Variants in VTCN1 observed in about 807,000 individuals in gnomAD.
VTCN1 encodes V-set domain containing T cell activation inhibitor 1.
A neutral mutation model predicts 26.5 loss-of-function variants in VTCN1; 26 were observed. That is an observed-to-expected ratio of 0.98 (90% confidence interval 0.72 to 1.36). VTCN1 has a LOEUF of 1.36. Ranked by LOEUF, VTCN1 falls within the 40% of genes most tolerant of loss-of-function variation. The probability of loss-of-function intolerance (pLI) is 0.00; values close to 1 mark genes in which losing one functional copy is unlikely to be tolerated. For synonymous variants in VTCN1, 116 were observed against 130.7 expected (o/e 0.89, Z 0.77); for missense variants, 298 against 337.7 (o/e 0.88, Z 0.92).
At position 117,147,890 on chromosome 1, in the gene VTCN1, TA is replaced by T; in HGVS notation, c.725-109del. Reference sequence around the variant, plus strand: ...CCTGAAAAACAGAACAAGTTGTTCCTAATTCAGGCAATTTTTTACCCCTTTG... The same window carrying T: ...CCTGAAAAACAGAACAAGTTGTTCCTATTCAGGCAATTTTTTACCCCTTTG... On this transcript the variant is annotated intron_variant, in intron 4 of 5. Transcript: ENST00000369458. This position sits in a 1 kb window ranked among gnomAD's most constrained non-coding sequence, Gnocchi z 4.6. 3 of 1,450,404 alleles carry T rather than the reference TA, an allele frequency of 2.1e-6. No individual in the cohort carries two copies. Among genetic ancestry groups the T allele is most frequent in the Non-Finnish European group, 2.8e-6 (3 of 1,087,994 alleles). The allele number at this position is 1,450,404 out of a possible 1,614,324, so 89.8% of individuals were successfully genotyped here. A position where few individuals can be genotyped will look rare whatever the true frequency, so the allele number is the denominator to read the frequency against.
chr1:117,207,944 T>C (rs1343365182), intron 1 of VTCN1, among the ~76,000 whole-genome samples: 1 of 152,316 alleles, frequency 6.6e-6, no homozygotes. Context: ...CCACAACTGT[T>C]TCCCAACTCT....
rs1651496781 is a variant in VTCN1 at position 117,146,267 on chromosome 1, T to C, written c.*46-1042A>G. Among the ~76,000 whole-genome samples the C allele has an allele frequency of 2.6e-5, 4 of 152,334 alleles. No homozygotes were observed. In the South Asian group the frequency reaches 8.3e-4, roughly 32 times the overall value. ...GTGAGATTCCCAAGGGACAGTTTCC[T>C]TAGGGAAATCTCTGCTGACAACTGT... On this transcript the variant is annotated intron_variant, in intron 5 of 5. Transcript: ENST00000369458. The surrounding 1 kb of genome is among the most constrained non-coding windows in gnomAD (Gnocchi z 4.2).
In VTCN1 at chr1:117,146,881, C is replaced by T. The variant is rs1250625888; in HGVS notation, c.*45+732G>A. 6.6e-6 allele frequency among the ~76,000 whole-genome samples: 1 copy of T among 152,076 alleles called. No homozygotes were observed. The highest frequency in any genetic ancestry group is 1.9e-4 in the East Asian group (1 of 5,188). ...AAGGAGCAGGTACAGTGTTTCAAAACCAGTCGGGGTGTGAGATGATGAAGG... is the reference window on the plus strand; with the variant it reads ...AAGGAGCAGGTACAGTGTTTCAAAATCAGTCGGGGTGTGAGATGATGAAGG... On this transcript the variant is annotated intron_variant, in intron 5 of 5. Transcript: ENST00000369458. The surrounding 1 kb of genome is among the most constrained non-coding windows in gnomAD (Gnocchi z 4.2).
Position 117,153,261 on chromosome 1 carries a change from A to G in VTCN1, c.554T>C (p.Val185Ala). ...TTCCGAGAAGTTGGCTCCCTGGTCA[A>G]CTTGGGATGCCCAGACCACTGTGGG... The part of the protein sequence containing the change: ...PQPTVVWASQ[V>A]DQGANFSEVS... The change falls in exon 4 of 6, where the codon GTT becomes GCT. Residue 185 changes from valine to alanine, a missense_variant. By Grantham distance (64) the Val-to-Ala change is moderately conservative (BLOSUM62 0). Transcript: ENST00000369458. 6.2e-7 allele frequency: 1 copy of G among 1,614,134 alleles called. No homozygotes were observed. Among genetic ancestry groups the G allele is most frequent in the Non-Finnish European group, 8.5e-7 (1 of 1,180,012 alleles).
At chr1:117,191,708 G>A (rs1345669237) in intron 1 of VTCN1, among the ~76,000 whole-genome samples, 1 of 152,170 alleles carries the variant, frequency 6.6e-6, no homozygotes, top group African/African-American at 2.4e-5. Flanking sequence ...CTTGAACCCA[G>A]GTGGCAGAAG....
chr1:117,210,759 C>A, intron 1 of VTCN1, 65 bp downstream of exon 1: 2 of 1,563,068 alleles, frequency 1.3e-6, no homozygotes, highest in South Asian at 1.1e-5. Flanking sequence ...CAGTGCTCAG[C>A]ATCCCCAAAA....
At chr1:117,208,008 C>G (rs543486990) in intron 1 of VTCN1, among the ~76,000 whole-genome samples, 1 of 152,264 alleles carries the variant, frequency 6.6e-6, no homozygotes, top group East Asian at 1.9e-4. Flanking sequence ...CCTTGACCCC[C>G]CTCTGAAGGC....
At chr1:117,176,285 G>A (rs747423482) in intron 1 of VTCN1, among the ~76,000 whole-genome samples, 1 of 152,200 alleles carries the variant, frequency 6.6e-6, no homozygotes, top group African/African-American at 2.4e-5. Flanking sequence ...CAGCTGGAAG[G>A]TGGGAATGTC....
intron 1 of VTCN1, among the ~76,000 whole-genome samples, chr1:117,201,845 A>C (rs998514339): frequency 6.6e-6 from 1 of 152,222 alleles, no homozygotes; most frequent in Admixed American, 6.5e-5. Flanking sequence ...AGAATCATTA[A>C]TATTTGGTCT....
intron 1 of VTCN1, among the ~76,000 whole-genome samples, chr1:117,194,406 T>G (rs1043991384): frequency 2.6e-5 from 4 of 152,140 alleles, no homozygotes; most frequent in Non-Finnish European, 5.9e-5. Flanking sequence ...AAGGAACATT[T>G]GTATACTATT....
chr1:117,177,536 T>C (rs1312506464), intron 1 of VTCN1, among the ~76,000 whole-genome samples: 1 of 152,192 alleles, frequency 6.6e-6, no homozygotes, highest in Non-Finnish European at 1.5e-5. Context: ...CAGGACATCC[T>C]TTCTGGGCAG....
At chr1:117,163,034 G>A (rs536744694) in intron 2 of VTCN1, among the ~76,000 whole-genome samples, 91 of 152,312 alleles carry the variant, frequency 6.0e-4, no homozygotes, top group African/African-American at 2.2e-3. Context: ...CTGTCCAGAT[G>A]GGCACCACAG....
At chr1:117,190,223 C>T (rs1420830390) in intron 1 of VTCN1, among the ~76,000 whole-genome samples, 1 of 152,222 alleles carries the variant, frequency 6.6e-6, no homozygotes, top group Non-Finnish European at 1.5e-5. Context: ...CCCACGAAGA[C>T]AGACTTGCCA....
At chr1:117,148,056 A>G (rs1409641773) in intron 4 of VTCN1, among the ~76,000 whole-genome samples, 1 of 152,212 alleles carries the variant, frequency 6.6e-6, no homozygotes, top group Non-Finnish European at 1.5e-5. Flanking sequence ...CCAAATAAAG[A>G]ATAGGCTAAA....
In VTCN1 at chr1:117,169,968, C is replaced by G; in HGVS notation, c.97+139G>C. 6.8e-6 allele frequency: 5 copies of G among 733,766 alleles called. No homozygotes were observed. The highest frequency in any genetic ancestry group is 1.2e-5 in the Non-Finnish European group (5 of 423,952). 45.5% of individuals were successfully genotyped at this position (733,766 alleles called of 1,614,324 possible). ...TTAACTGACTAATGTAGAGAAAGCA[C>G]AAGAAGTAGAAGAATGAATGCTATA... On this transcript the variant is annotated intron_variant, in intron 2 of 5. Coordinates refer to ENST00000369458, the MANE Select transcript of VTCN1 (RefSeq NM_024626.4). The surrounding 1 kb of genome is among the most constrained non-coding windows in gnomAD (Gnocchi z 4.0).
chr1:117,150,738 C>T (rs747208123), intron 4 of VTCN1, among the ~76,000 whole-genome samples: 34 of 152,186 alleles, frequency 2.2e-4, no homozygotes, highest in Admixed American at 8.5e-4. Flanking sequence ...TTTTGCAAAT[C>T]TGAAACTCTA....
In VTCN1 at chr1:117,153,151, T is replaced by C. The variant is rs768183667; in HGVS notation, c.664A>G (p.Thr222Ala). 8.1e-6 allele frequency: 13 copies of C among 1,613,952 alleles called. No individual in the cohort carries two copies. The East Asian group carries it at 2.9e-4, about 36-fold the overall frequency. ...SVLYNVTINN[T>A]YSCMIENDIA... ...TCATTTTCAATCATACAGGAGTATG[T>C]GTTGTTGATCGTAACATTGTAGAGC... The change falls in exon 4 of 6, where the codon ACA (threonine) becomes GCA (alanine). Residue 222 changes from threonine (T) to alanine (A), a missense_variant. Transcript: ENST00000369458.
At chr1:117,201,479 C>A (rs1648783938) in intron 1 of VTCN1, among the ~76,000 whole-genome samples, 1 of 152,180 alleles carries the variant, frequency 6.6e-6, no homozygotes, top group South Asian at 2.1e-4. Context: ...TCCTGATCTC[C>A]CCCTTTCCCT....
At chr1:117,198,607 C>T (rs1335919431) in intron 1 of VTCN1, among the ~76,000 whole-genome samples, 1 of 152,192 alleles carries the variant, frequency 6.6e-6, no homozygotes, top group Non-Finnish European at 1.5e-5. Flanking sequence ...CCCAGGGCTG[C>T]ATCGCCTCCT....
Sources: gnomAD v4.1 joint callset for allele counts (sites outside exome capture counted in the v4.1 genomes callset) on GRCh38, gnomAD v4.1.1 for gene constraint, Gnocchi (gnomAD v3.1) non-coding constraint, MANE v1.5 for transcripts, NCBI Gene and HGNC (gene_info 2026-07-23, HGNC 2026-07-21) for gene names.